TPCN1: variants seen among roughly 807,000 people sequenced by gnomAD.
TPCN1 encodes two pore channel protein 1.
Under a neutral mutation model 108.8 loss-of-function variants are expected in TPCN1, and 52 were observed. That is an observed-to-expected ratio of 0.48 (90% CI 0.38 to 0.60). The LOEUF (loss-of-function observed/expected upper bound fraction) is 0.60, where lower values mean the gene tolerates loss of function less well. Ranked by LOEUF, TPCN1 falls within the 20% of genes least tolerant of loss-of-function variation. The pLI is 0.00. For synonymous variants in TPCN1, 446 were observed against 433.7 expected, an observed-to-expected ratio of 1.03 and a Z score of -0.35; for missense variants, 806 against 1,072.8, an observed-to-expected ratio of 0.75 and a Z score of 3.47.
chr12:113,273,632 G>T lies in TPCN1; in HGVS notation c.906G>T (p.Val302=). The change falls in exon 10 of 28, where the codon GTG becomes GTT. Residue 302 remains valine (V), a synonymous_variant. Coordinates refer to ENST00000335509, the MANE Select transcript of TPCN1 (RefSeq NM_017901.6). This position sits in a 1 kb window ranked among gnomAD's most constrained non-coding sequence, Gnocchi z 4.0. The stretch of plus-strand genomic sequence containing the variant: ...CCTGGTCCTGCGTCTTCTTCATCGT[G>T]TACCTCTCCATCGAGCTGTATTTCA... ...RNPWSCVFFI[V]YLSIELYFIM... is the part of the protein sequence containing the mutation. 6.2e-7 allele frequency: 1 copy of T among 1,614,166 alleles called. No individual in the cohort carries two copies. The highest frequency in any genetic ancestry group is 1.1e-5 in the South Asian group (1 of 91,076).
intron 2 of TPCN1, among the ~76,000 whole-genome samples, chr12:113,257,027 G>A (rs1954851821): frequency 6.6e-6 from 1 of 151,796 alleles, no homozygotes; most frequent in South Asian, 2.1e-4. Flanking sequence ...GTGTATAAAA[G>A]AGCTCTCAAT....
Position 113,296,202 on chromosome 12 carries a change from A to C in TPCN1, c.*126A>C, listed in dbSNP as rs576958093. ...CACATATTTATATACAGGAAGAAAA[A>C]AGACAGACAAGATGGGGCTTGGTTT... On this transcript the variant is annotated 3_prime_UTR_variant, in exon 28 of 28. Transcript: ENST00000335509. 295 of 1,391,882 alleles carry C rather than the reference A, an allele frequency of 2.1e-4. 2 individuals carry two copies. In the South Asian group the frequency reaches 3.8e-3, roughly 18 times the overall value. The allele number at this position is 1,391,882 out of a possible 1,614,324, so 86.2% of individuals were successfully genotyped here.
Position 113,276,963 on chromosome 12 carries a change from C to T in TPCN1, c.987C>T (p.Arg329=). The T allele has an allele frequency of 6.2e-7, 1 of 1,614,062 alleles. No homozygotes were observed. Among genetic ancestry groups the T allele is most frequent in the Non-Finnish European group, 8.5e-7 (1 of 1,179,996 alleles). Residue 329 remains arginine (R), a synonymous_variant, in exon 11 of 28, where the codon CGC becomes CGT. Coordinates refer to ENST00000335509, the MANE Select transcript of TPCN1 (RefSeq NM_017901.6). ...VFDTFNDIEK[R]KFKSLLLHKR... is the part of the protein sequence containing the mutation. ...ACACCTTCAATGACATTGAGAAACG[C>T]AAGTTCAAGTCTTTGCTACTGCACA... is the stretch of plus-strand genomic sequence containing the variant.
rs1229828280 is a variant in TPCN1 at position 113,273,334 on chromosome 12, C to T, written c.842+44C>T. ...TTGCCTTTGGTCCTCTGCTGCCGCC[C>T]TGGGGTCTCTTTCTCTTTTCTGCCA... On this transcript the variant is annotated intron_variant, in intron 9 of 27. Transcript: ENST00000335509. This position sits in a 1 kb window ranked among gnomAD's most constrained non-coding sequence, Gnocchi z 4.0. The T allele has an allele frequency of 1.8e-5, 29 of 1,592,706 alleles. No homozygotes were observed. The highest frequency in any genetic ancestry group is 2.3e-5 in the Non-Finnish European group (27 of 1,160,548).
intron 10 of TPCN1, among the ~76,000 whole-genome samples, chr12:113,274,997 G>A (rs1366166577): frequency 2.0e-5 from 3 of 152,232 alleles, no homozygotes; most frequent in Admixed American, 6.5e-5. Context: ...GGTGTTTGTG[G>A]AGGTGTGGAC....
At chr12:113,244,132 T>A (rs1302912010) in intron 2 of TPCN1, 1 of 201,416 alleles carries the variant, frequency 5.0e-6, no homozygotes, top group Non-Finnish European at 8.8e-6. Flanking sequence ...GCCACTTAGG[T>A]CCCTTTCAGG....
At chr12:113,244,966 A>G (rs576814385) in intron 2 of TPCN1, among the ~76,000 whole-genome samples, 1 of 152,110 alleles carries the variant, frequency 6.6e-6, no homozygotes, top group Non-Finnish European at 1.5e-5. Context: ...GTGTGTGTTT[A>G]AGAAAATGAG....
chr12:113,295,581 C>T (rs1369131582), intron 27 of TPCN1, among the ~76,000 whole-genome samples: 1 of 151,956 alleles, frequency 6.6e-6, no homozygotes, highest in Non-Finnish European at 1.5e-5. Flanking sequence ...CAGCTCTAAG[C>T]CTCGGTGTCT....
intron 3 of TPCN1, among the ~76,000 whole-genome samples, chr12:113,264,677 T>TC (rs1160302249): frequency 6.8e-6 from 1 of 146,688 alleles, no homozygotes; most frequent in East Asian, 2.1e-4. Context: ...AGACTCTGTC[T>TC]CAAAAAAAAA....
chr12:113,265,951 G>A (rs1008219816), intron 3 of TPCN1, among the ~76,000 whole-genome samples: 4 of 152,110 alleles, frequency 2.6e-5, no homozygotes, highest in South Asian at 2.1e-4. Context: ...TGGTTCCTCC[G>A]AGTGGTTTTT....
Position 113,288,048 on chromosome 12 carries a change from A to T in TPCN1, c.1635-115A>T. On this transcript the variant is annotated intron_variant, in intron 19 of 27. Coordinates refer to ENST00000335509, the MANE Select transcript of TPCN1 (RefSeq NM_017901.6). This position sits in a 1 kb window ranked among gnomAD's most constrained non-coding sequence, Gnocchi z 4.8. ...AAGGGAGTGGACGCAGGTGGAGGAGAGGCCCTCACCTGTCTTCACCGCATG... is the reference window on the plus strand; with the variant it reads ...AAGGGAGTGGACGCAGGTGGAGGAGTGGCCCTCACCTGTCTTCACCGCATG... The T allele has an allele frequency of 1.0e-6, 1 of 991,810 alleles. No individual in the cohort carries two copies. Among genetic ancestry groups the T allele is most frequent in the Non-Finnish European group, 1.5e-6 (1 of 660,864 alleles). The allele number at this position is 991,810 out of a possible 1,614,324, so 61.4% of individuals were successfully genotyped here.
rs1726553699 is a variant in TPCN1, at chr12:113,296,192, A to G, written c.*116A>G. On this transcript the variant is annotated 3_prime_UTR_variant, in exon 28 of 28. Coordinates refer to ENST00000335509, the MANE Select transcript of TPCN1 (RefSeq NM_017901.6). ...CACGTATATGCACATATTTATATAC[A>G]GGAAGAAAAAAGACAGACAAGATGG... 2 of 1,434,028 alleles carry G rather than the reference A, an allele frequency of 1.4e-6. No homozygotes were observed. The highest frequency in any genetic ancestry group is 4.5e-5 in the Admixed American group (2 of 44,788). The allele number at this position is 1,434,028 out of a possible 1,614,324, so 88.8% of individuals were successfully genotyped here. A position where few individuals can be genotyped will look rare whatever the true frequency, so the allele number is the denominator to read the frequency against.
intron 25 of TPCN1, chr12:113,292,725 G>A (rs1399298128): frequency 1.9e-6 from 1 of 532,694 alleles, no homozygotes; most frequent in Admixed American, 3.5e-5. Flanking sequence ...CCCTGTAACA[G>A]CTGCCAGCTA....
chr12:113,289,899 G>A lies in TPCN1; in HGVS notation c.1797-229G>A. The A allele has an allele frequency of 2.0e-6, 1 of 497,538 alleles. No individual in the cohort carries two copies. The highest frequency in any genetic ancestry group is 3.4e-5 in the East Asian group (1 of 29,076). The allele number at this position is 497,538 out of a possible 1,614,324, so 30.8% of individuals were successfully genotyped here. On this transcript the variant is annotated intron_variant, in intron 21 of 27. Coordinates refer to ENST00000335509, the MANE Select transcript of TPCN1 (RefSeq NM_017901.6). This position sits in a 1 kb window ranked among gnomAD's most constrained non-coding sequence, Gnocchi z 4.1. The stretch of plus-strand genomic sequence containing the variant: ...AGACAACTTCCAGGTGACAGAGGTG[G>A]GTCAGGCTGGCCAGGGGATCCCGCC...
At position 113,269,893 on chromosome 12, in the gene TPCN1, C is replaced by T. The variant is rs750161786; in HGVS notation, c.748+48C>T. On this transcript the variant is annotated intron_variant, in intron 7 of 27. Transcript: ENST00000335509. This position sits in a 1 kb window ranked among gnomAD's most constrained non-coding sequence, Gnocchi z 5.0. ...CAGGTGCGCTGGAAAAGCAAGTTCACGGTGGATGAAAAATTATTTTGGGCC... is the reference window on the plus strand; with the variant it reads ...CAGGTGCGCTGGAAAAGCAAGTTCATGGTGGATGAAAAATTATTTTGGGCC... 7 of 1,589,558 alleles carry T rather than the reference C, an allele frequency of 4.4e-6. No individual in the cohort carries two copies. Among genetic ancestry groups the T allele is most frequent in the South Asian group, 2.2e-5 (2 of 90,514 alleles).
intron 10 of TPCN1, 135 bp from the exon 11 acceptor site, chr12:113,276,784 C>A: frequency 1.5e-6 from 1 of 675,574 alleles, no homozygotes; most frequent in Non-Finnish European, 2.7e-6. Context: ...GAGGTGCAGG[C>A]GAGAGGGTCT....
intron 19 of TPCN1, among the ~76,000 whole-genome samples, chr12:113,287,728 G>A (rs555365863): frequency 8.9e-4 from 136 of 152,322 alleles, no homozygotes; most frequent in Middle Eastern, 3.4e-3. Flanking sequence ...CCCCCTTGGC[G>A]TGTGGGGGTG....
At chr12:113,260,625 A>T in intron 3 of TPCN1, 133 bp downstream of exon 3, 1 of 1,195,362 alleles carries the variant, frequency 8.4e-7, no homozygotes, top group Non-Finnish European at 1.1e-6. Context: ...TGTGAGCTTC[A>T]GGTTCATAAG....
At chr12:113,241,761 C>CGTGTGTGTGTGTGT (rs67580212) in intron 2 of TPCN1, among the ~76,000 whole-genome samples, 10 of 144,370 alleles carry the variant, frequency 6.9e-5, no homozygotes, top group African/African-American at 1.0e-4. Context: ...CGTGCCTCTG[C>CGTGTGTGTGTGTGT]GTGTGTGTGT....
Sources: gnomAD v4.1 joint callset for allele counts (sites outside exome capture counted in the v4.1 genomes callset) on GRCh38, gnomAD v4.1.1 for gene constraint, Gnocchi (gnomAD v3.1) non-coding constraint, MANE v1.5 for transcripts, NCBI Gene and HGNC (gene_info 2026-07-23, HGNC 2026-07-21) for gene names.